BAIAP2L1: variants seen among roughly 807,000 people sequenced by gnomAD.
BAIAP2L1 encodes the protein BAR/IMD domain containing adaptor protein 2 like 1.
BAIAP2L1 carries 35 observed loss-of-function variants against 66.3 expected under a neutral mutation model. The ratio of observed to expected loss-of-function variants is 0.53; its 90% confidence interval spans 0.40 to 0.70. The LOEUF (loss-of-function observed/expected upper bound fraction) is 0.70. BAIAP2L1 is among the 30% of genes least tolerant of loss of function. BAIAP2L1 has a pLI of 0.00. For missense variants in BAIAP2L1, 622 were observed against 656.9 expected (o/e 0.95, Z 0.58); for synonymous variants, 269 against 248.7 (o/e 1.08, Z -0.77).
chr7:98,310,258 C>A (rs74724405), intron 9 of BAIAP2L1, 187 bp downstream of exon 9: 6 of 556,980 alleles, frequency 1.1e-5, no homozygotes, highest in Middle Eastern at 4.6e-4. Context: ...CTTATCAGAG[C>A]GTCTCACAGT....
chr7:98,342,602 C>G (rs1042484964), intron 3 of BAIAP2L1, among the ~76,000 whole-genome samples: 1 of 152,114 alleles, frequency 6.6e-6, no homozygotes, highest in Non-Finnish European at 1.5e-5. Context: ...GCTGACTAAA[C>G]TACAACAAAA....
At chr7:98,309,778 G>A (rs900084351) in intron 9 of BAIAP2L1, 2 of 151,326 alleles carry the variant, frequency 1.3e-5, no homozygotes, top group African/African-American at 4.9e-5. Context: ...CACAGGTCTC[G>A]AGGGTCCTGG....
intron 3 of BAIAP2L1, among the ~76,000 whole-genome samples, chr7:98,351,841 A>C (rs1434520230): frequency 6.6e-6 from 1 of 152,192 alleles, no homozygotes; most frequent in African/African-American, 2.4e-5. Context: ...GCTAAGTGTA[A>C]GTATCCACTG....
Position 98,389,394 on chromosome 7 carries a change from C to A in BAIAP2L1, c.51+11408G>T, listed in dbSNP as rs1802973987. On this transcript the variant is annotated intron_variant, in intron 1 of 13. Transcript: ENST00000005260. ...AGTGCAGTGGCACCATCTGAGCTCACTGCAACCTCCGCCTCCCAGGTTCAA... is the reference window on the plus strand; with the variant it reads ...AGTGCAGTGGCACCATCTGAGCTCAATGCAACCTCCGCCTCCCAGGTTCAA... Among the ~76,000 whole-genome samples, 3 of 152,230 alleles carry A rather than the reference C, an allele frequency of 2.0e-5. No individual in the cohort carries two copies. The South Asian group carries it at 6.2e-4, about 32-fold the overall frequency.
At chr7:98,400,525 G>GA (rs1803341520) in intron 1 of BAIAP2L1, among the ~76,000 whole-genome samples, 1 of 120,286 alleles carries the variant, frequency 8.3e-6, no homozygotes, top group South Asian at 3.2e-4. Flanking sequence ...AGCGGGGCGG[G>GA]AAAGAGAGAC....
intron 3 of BAIAP2L1, among the ~76,000 whole-genome samples, chr7:98,341,526 A>AT (rs1229297565): frequency 5.3e-5 from 8 of 152,086 alleles, no homozygotes; most frequent in African/African-American, 1.2e-4. Flanking sequence ...TCTAAAAAAA[A>AT]TTTTTTATTT....
At chr7:98,303,678 A>C (rs1228731855) in intron 12 of BAIAP2L1, among the ~76,000 whole-genome samples, 1 of 152,126 alleles carries the variant, frequency 6.6e-6, no homozygotes, top group Non-Finnish European at 1.5e-5. Flanking sequence ...CAGGACCTCC[A>C]TGCTGGGCCC....
intron 1 of BAIAP2L1, among the ~76,000 whole-genome samples, chr7:98,385,561 GC>G (rs1287279242): frequency 6.6e-6 from 1 of 151,472 alleles, no homozygotes; most frequent in Non-Finnish European, 1.5e-5. Context: ...ACAGCCACAC[GC>G]CCCCATGCCC....
In BAIAP2L1 at chr7:98,326,752, G is replaced by A. The variant is rs145980351; in HGVS notation, c.215-6454C>T. 6.5e-3 allele frequency among the ~76,000 whole-genome samples: 995 copies of A among 152,262 alleles called. 10 individuals are homozygous for A. Among genetic ancestry groups the A allele is most frequent in the Non-Finnish European group, 0.011 (762 of 68,024 alleles). ...TGGAAAATCATCACCACAGGGCAGG[G>A]AAGACTTGTCTGGACAAAAATCATC... On this transcript the variant is annotated intron_variant, in intron 3 of 13. Coordinates refer to ENST00000005260, the MANE Select transcript of BAIAP2L1 (RefSeq NM_018842.5).
chr7:98,312,416 C>A, intron 7 of BAIAP2L1, 152 bp from the exon 8 acceptor site: 1 of 797,178 alleles, frequency 1.3e-6, no homozygotes, highest in South Asian at 1.9e-5. Flanking sequence ...CTTTAAGCAC[C>A]TAGAGGATCA....
intron 3 of BAIAP2L1, among the ~76,000 whole-genome samples, chr7:98,353,364 T>C (rs1007401924): frequency 1.1e-4 from 15 of 139,014 alleles, no homozygotes; most frequent in South Asian, 4.3e-4. Context: ...TTTATATATA[T>C]ACACATATAT....
At chr7:98,342,416 C>G (rs1801766225) in intron 3 of BAIAP2L1, among the ~76,000 whole-genome samples, 1 of 152,126 alleles carries the variant, frequency 6.6e-6, no homozygotes, top group Admixed American at 6.6e-5. Flanking sequence ...TTCTGAGTAT[C>G]AGCAAGACAA....
At chr7:98,359,925 ATT>A (rs34672324) in intron 2 of BAIAP2L1, among the ~76,000 whole-genome samples, 1 of 141,158 alleles carries the variant, frequency 7.1e-6, no homozygotes, top group Non-Finnish European at 1.5e-5. Flanking sequence ...TGCCCAGCTA[ATT>A]TTTTTTTTTT....
chr7:98,365,123 T>TA (rs1411725248), intron 1 of BAIAP2L1, among the ~76,000 whole-genome samples: 6 of 152,060 alleles, frequency 3.9e-5, no homozygotes, highest in Admixed American at 3.9e-4. Context: ...GCCTTCTCTT[T>TA]ATTCCTGTGT....
chr7:98,299,024 G>GT (rs930954028), intron 12 of BAIAP2L1, among the ~76,000 whole-genome samples: 181 of 151,634 alleles, frequency 1.2e-3, no homozygotes, highest in African/African-American at 2.7e-3. Flanking sequence ...GTTTTTTGGT[G>GT]TTTTTTTTGA....
At chr7:98,313,792 C>CTCTTT (rs1179300343) in intron 7 of BAIAP2L1, among the ~76,000 whole-genome samples, 1 of 132,944 alleles carries the variant, frequency 7.5e-6, no homozygotes. Context: ...CTAATTAAAA[C>CTCTTT]TTTTTTTTTT....
chr7:98,351,890 C>T (rs570510350), intron 3 of BAIAP2L1, among the ~76,000 whole-genome samples: 24 of 152,266 alleles, frequency 1.6e-4, no homozygotes, highest in Middle Eastern at 3.4e-3. Flanking sequence ...CAGAGGCCGA[C>T]CCTCGAGGCG....
At chr7:98,340,067 C>A (rs1801705041) in intron 3 of BAIAP2L1, among the ~76,000 whole-genome samples, 1 of 152,118 alleles carries the variant, frequency 6.6e-6, no homozygotes, top group African/African-American at 2.4e-5. Flanking sequence ...GAGAAAAAGA[C>A]CAATTTGAGT....
At chr7:98,381,886 T>C (rs1167857830) in intron 1 of BAIAP2L1, among the ~76,000 whole-genome samples, 1 of 150,752 alleles carries the variant, frequency 6.6e-6, no homozygotes, top group African/African-American at 2.4e-5. Flanking sequence ...GAAAATTAAG[T>C]CCCAGAGCTA....
Sources: allele counts gnomAD v4.1 joint callset (sites outside exome capture counted in the v4.1 genomes callset), GRCh38; gene constraint gnomAD v4.1.1; transcripts MANE v1.5; gene names NCBI Gene and HGNC (gene_info 2026-07-23, HGNC 2026-07-21).